ARVCF: variants seen among roughly 807,000 people sequenced by gnomAD.
ARVCF encodes splicing regulator ARVCF.
ARVCF carries 66 observed loss-of-function variants against 90.9 expected under a neutral mutation model. The ratio of observed to expected loss-of-function variants is 0.73; its 90% CI spans 0.60 to 0.89. The LOEUF is 0.89. Among genes scored for constraint, ARVCF ranks in the 40% least tolerant of loss-of-function variants. The pLI, the probability that ARVCF is intolerant of heterozygous loss-of-function variation, is 0.00. For missense variants in ARVCF, 1,469 were observed against 1,382.3 expected (o/e 1.06, Z -1.00); for synonymous variants, 653 against 603.4 (o/e 1.08, Z -1.21).
chr22:19,981,437 C>A lies in ARVCF; in HGVS notation c.670G>T (p.Asp224Tyr). 1 of 1,565,614 alleles carries A rather than the reference C, an allele frequency of 6.4e-7. No homozygotes were observed. Among genetic ancestry groups the A allele is most frequent in the Admixed American group, 1.9e-5 (1 of 52,828 alleles). ...TGGCCAGGCAGTGTGAAGCAGCCAT[C>A]ACCAGGGCCTGGGCCAAGGGGGCCA... is the stretch of plus-strand genomic sequence containing the variant. ...RAGPLGPGPG[D>Y]GCFTLPGHRE... Residue 224 changes from aspartate to tyrosine, a missense_variant, in exon 5 of 20, where the codon GAT (aspartate) becomes TAT (tyrosine). Asp to Tyr is a radical substitution (Grantham distance 160). Coordinates refer to ENST00000263207, the MANE Select transcript of ARVCF (RefSeq NM_001670.3).
intron 13 of ARVCF, 149 bp from the exon 14 acceptor site, chr22:19,973,466 G>T: frequency 7.5e-7 from 1 of 1,328,826 alleles, no homozygotes; most frequent in Non-Finnish European, 1.0e-6. Context: ...TGAGCAGGGC[G>T]CTGAGCTTCA....
intron 6 of ARVCF, 155 bp from the exon 7 acceptor site, chr22:19,979,235 C>G: frequency 1.2e-6 from 1 of 809,824 alleles, no homozygotes; most frequent in Non-Finnish European, 1.9e-6. Flanking sequence ...CCGGGGGACA[C>G]CCAGTACTGG....
intron 5 of ARVCF, 83 bp from the exon 6 acceptor site, chr22:19,980,325 G>A: frequency 1.4e-6 from 2 of 1,455,716 alleles, no homozygotes; most frequent in Non-Finnish European, 1.8e-6. Flanking sequence ...ACCTTCTTCA[G>A]GACTGCAAAC....
intron 3 of ARVCF, chr22:19,987,074 T>C: frequency 1.6e-6 from 1 of 623,892 alleles, no homozygotes; most frequent in Non-Finnish European, 2.9e-6. Context: ...CCCTCCAACC[T>C]GTCTGAGTTC....
intron 3 of ARVCF, among the ~76,000 whole-genome samples, chr22:19,983,388 C>G (rs1161440471): frequency 6.6e-6 from 1 of 152,252 alleles, no homozygotes; most frequent in East Asian, 1.9e-4. Context: ...AGGTTAGATG[C>G]TCAGCGCTGC....
chr22:19,997,335 C>T (rs1944291085), intron 2 of ARVCF, among the ~76,000 whole-genome samples: 1 of 152,198 alleles, frequency 6.6e-6, no homozygotes, highest in Admixed American at 6.5e-5. Context: ...AGGCATGAGC[C>T]ACAGGGAGCC....
chr22:19,999,259 G>A (rs1244035634), intron 2 of ARVCF, among the ~76,000 whole-genome samples: 5 of 150,244 alleles, frequency 3.3e-5, no homozygotes, highest in African/African-American at 1.2e-4. Flanking sequence ...GCCCTCCCGA[G>A]TTGACCTCAC....
At chr22:19,966,436 T>TAAA (rs362115), downstream of ARVCF, among the ~76,000 whole-genome samples, 2 of 135,306 alleles carry the variant, frequency 1.5e-5, no homozygotes, top group African/African-American at 5.6e-5. Flanking sequence ...AGTTCCCCCT[T>TAAA]AAAAAAAAAA....
chr22:20,005,184 TAAC>T (rs1944576883), intron 2 of ARVCF, among the ~76,000 whole-genome samples: 1 of 151,992 alleles, frequency 6.6e-6, no homozygotes, highest in Admixed American at 6.6e-5. Flanking sequence ...TCCCAAAACT[TAAC>T]AACAGCAAAA....
At chr22:20,002,827 C>T (rs1263076987) in intron 2 of ARVCF, among the ~76,000 whole-genome samples, 2 of 152,134 alleles carry the variant, frequency 1.3e-5, no homozygotes, top group South Asian at 2.1e-4. Flanking sequence ...CAAGGGCCTG[C>T]GATTCTGAAT....
chr22:19,967,365 A>C, downstream of ARVCF: 1 of 510,226 alleles, frequency 2.0e-6, no homozygotes, highest in Non-Finnish European at 3.8e-6. Flanking sequence ...GCTTTGTTCT[A>C]CGTCTTTTCA....
rs1270334024 is a variant in ARVCF, at chr22:19,975,123, G to C, written c.1960+563C>G. The stretch of plus-strand genomic sequence containing the variant: ...TATCTGCATCAGCCCTGCTCTGCCT[G>C]TAATACTCCCCCACAGCCCTCCTGC... On this transcript the variant is annotated intron_variant, in intron 11 of 19. Coordinates refer to ENST00000263207, the MANE Select transcript of ARVCF (RefSeq NM_001670.3). Among the ~76,000 whole-genome samples, 4 of 152,206 alleles carry C rather than the reference G, an allele frequency of 2.6e-5. No homozygotes were observed. The East Asian group carries it at 7.7e-4, about 29-fold the overall frequency.
At chr22:19,978,786 AGCTCCTAAGCTCTGGC>A (rs1033340570) in intron 7 of ARVCF, 95 bp downstream of exon 7, 13 of 1,298,750 alleles carry the variant, frequency 1.0e-5, no homozygotes, top group South Asian at 3.0e-5. Flanking sequence ...ACAGCTCTGA[AGCTCCTAAGCTCTGGC>A]GCTCCTAAGC....
chr22:19,986,437 C>T (rs559576720), intron 3 of ARVCF, among the ~76,000 whole-genome samples: 2 of 152,332 alleles, frequency 1.3e-5, no homozygotes, highest in Admixed American at 1.3e-4. Context: ...CACCTCAATG[C>T]TGAGAGGGGG....
At position 19,970,534 on chromosome 22, in the gene ARVCF, C is replaced by T; in HGVS notation, c.*222G>A. 1 of 1,173,532 alleles carries T rather than the reference C, an allele frequency of 8.5e-7. No individual in the cohort carries two copies. Among genetic ancestry groups the T allele is most frequent in the South Asian group, 1.6e-5 (1 of 63,110 alleles). 72.7% of individuals were successfully genotyped at this position (1,173,532 alleles called of 1,614,324 possible). ...CACTCGCTCACACACAGCACCATGT[C>T]AGTAAACAGCTAACTCAGGCCTAGG... On this transcript the variant is annotated 3_prime_UTR_variant, in exon 20 of 20. Transcript: ENST00000263207.
chr22:19,979,580 T>C lies in ARVCF; in HGVS notation c.1396+163A>G, dbSNP rs1943363430. Among the ~76,000 whole-genome samples, 3 of 152,314 alleles carry C rather than the reference T, an allele frequency of 2.0e-5. No individual in the cohort carries two copies. In the South Asian group the frequency reaches 6.2e-4, roughly 32 times the overall value. On this transcript the variant is annotated intron_variant, in intron 6 of 19. Transcript: ENST00000263207. ...AGACTGGGGAACCTGTCACAGTGTC[T>C]GGGCCTGATGCCTGGCTCCTGGGGC... is the stretch of plus-strand genomic sequence containing the variant.
At chr22:19,969,136 C>T (rs1942602006), downstream of ARVCF, 1 of 199,924 alleles carries the variant, frequency 5.0e-6, no homozygotes, top group Admixed American at 5.5e-5. Context: ...GGGCGGGGCC[C>T]CTAGCTGGCT....
At position 19,971,932 on chromosome 22, in the gene ARVCF, C is replaced by T. The variant is rs200129576; in HGVS notation, c.2735G>A (p.Arg912Gln). 8.7e-6 allele frequency: 14 copies of T among 1,612,868 alleles called. No homozygotes were observed. The highest frequency in any genetic ancestry group is 6.7e-5 in the East Asian group (3 of 44,886). Residue 912 changes from arginine to glutamine, a missense_variant, in exon 18 of 20, where the codon CGG becomes CAG. Arg to Gln is a conservative substitution (Grantham distance 43, BLOSUM62 1). Coordinates refer to ENST00000263207, the MANE Select transcript of ARVCF (RefSeq NM_001670.3). ...STVDRRERRPRGASSAGEASE... is the reference protein window; with the variant it reads ...STVDRRERRPQGASSAGEASE... ...GGCCTCTCCTGCAGAGCTGGCGCCC[C>T]GTGGCCTCCGCTCCCTCCGGTCCAC...
intron 2 of ARVCF, among the ~76,000 whole-genome samples, chr22:19,992,614 C>T (rs1180740238): frequency 1.3e-5 from 2 of 152,208 alleles, no homozygotes; most frequent in Non-Finnish European, 2.9e-5. Context: ...CTGGCTGCAG[C>T]ACCAGCCCAT....
Sources: gnomAD v4.1 joint callset for allele counts (sites outside exome capture counted in the v4.1 genomes callset) on GRCh38, gnomAD v4.1.1 for gene constraint, MANE v1.5 for transcripts, NCBI Gene and HGNC (gene_info 2026-07-23, HGNC 2026-07-21) for gene names.